Variants in VPS50 observed in about 807,000 individuals in gnomAD.
The protein encoded by VPS50 is syndetin.
A neutral mutation model predicts 139.7 loss-of-function variants in VPS50; 70 were observed. The ratio of observed to expected loss-of-function variants is 0.50; its 90% CI spans 0.41 to 0.61. The LOEUF (loss-of-function observed/expected upper bound fraction) is 0.61. Among genes scored for constraint, VPS50 ranks in the 20% least tolerant of loss-of-function variants. VPS50 has a pLI of 0.00. For synonymous variants in VPS50, 365 were observed against 376.7 expected (o/e 0.97, Z 0.36); for missense variants, 921 against 1,133.7 (o/e 0.81, Z 2.69).
At chr7:93,272,883 G>A (rs1477845703) in intron 11 of VPS50, 150 bp downstream of exon 11, 3 of 506,536 alleles carry the variant, frequency 5.9e-6, no homozygotes, top group Non-Finnish European at 1.0e-5. Flanking sequence ...TAAAATGGTT[G>A]TTCTTGTAGA....
At position 93,348,732 on chromosome 7, in the gene VPS50, T is replaced by C. The variant is rs1798473599; in HGVS notation, c.2229T>C (p.Phe743=). 6.2e-7 allele frequency: 1 copy of C among 1,613,202 alleles called. No homozygotes were observed. The highest frequency in any genetic ancestry group is 1.7e-5 in the Admixed American group (1 of 60,004). Residue 743 remains phenylalanine (F), a synonymous_variant, in exon 24 of 28, where the codon TTT becomes TTC. Coordinates refer to ENST00000305866, the MANE Select transcript of VPS50 (RefSeq NM_017667.4). ...TTAGGGTATTCTTGGCTGAACAGTT[T>C]GAGTTCCTTCAGCCACATCTGGATG... ...TESLVFLAEQ[F]EFLQPHLDAV...
Position 93,359,349 on chromosome 7 carries a change from T to A in VPS50, c.*913T>A, listed in dbSNP as rs1335332031. ...CTAGTCACTCATAAATGTACGGTCATATGTTCACTCTTCTTAAATATCCAC... is the reference window on the plus strand; with the variant it reads ...CTAGTCACTCATAAATGTACGGTCAAATGTTCACTCTTCTTAAATATCCAC... On this transcript the variant is annotated 3_prime_UTR_variant, in exon 28 of 28. Coordinates refer to ENST00000305866, the MANE Select transcript of VPS50 (RefSeq NM_017667.4). 6.6e-6 allele frequency: 1 copy of A among 152,106 alleles called. No individual in the cohort carries two copies. The highest frequency in any genetic ancestry group is 6.6e-5 in the Admixed American group (1 of 15,246). 9.4% of individuals were successfully genotyped at this position (152,106 alleles called of 1,614,324 possible). A position where few individuals can be genotyped will look rare whatever the true frequency, so the allele number is the denominator to read the frequency against.
chr7:93,275,944 C>A (rs1026070406), intron 11 of VPS50: 1 of 500,730 alleles, frequency 2.0e-6, no homozygotes, highest in East Asian at 3.1e-5. Context: ...GCAGTGTTCA[C>A]GAGTCACATT....
chr7:93,313,830 A>G (rs1017971123), intron 20 of VPS50, among the ~76,000 whole-genome samples: 2 of 152,162 alleles, frequency 1.3e-5, no homozygotes, highest in African/African-American at 2.4e-5. Flanking sequence ...GACTATTGCA[A>G]TTTCAGCTTT....
At chr7:93,353,151 ATCAT>A (rs1233380322) in intron 25 of VPS50, among the ~76,000 whole-genome samples, 39 of 152,128 alleles carry the variant, frequency 2.6e-4, no homozygotes, top group African/African-American at 8.9e-4. Flanking sequence ...CTCAACCCAT[ATCAT>A]TATTTATTTT....
chr7:93,265,415 A>G (rs74298905), intron 9 of VPS50, among the ~76,000 whole-genome samples: 12,618 of 152,256 alleles, frequency 0.083, 560 homozygotes, highest in East Asian at 0.19. Context: ...ATGTTCTACT[A>G]AAACTTTATT....
chr7:93,319,492 A>G (rs1451256474), intron 20 of VPS50, among the ~76,000 whole-genome samples: 2 of 152,302 alleles, frequency 1.3e-5, no homozygotes, highest in East Asian at 3.9e-4. Context: ...TTTCACTTGA[A>G]TGACAATTTA....
At chr7:93,338,171 G>A (rs1017173679) in intron 22 of VPS50, among the ~76,000 whole-genome samples, 9 of 152,226 alleles carry the variant, frequency 5.9e-5, no homozygotes, top group African/African-American at 2.2e-4. Flanking sequence ...GACAGAAAAC[G>A]AGCTATGTGA....
chr7:93,239,855 AT>A lies in VPS50; in HGVS notation c.34-4del, dbSNP rs1378768292. 5.2e-6 allele frequency: 8 copies of A among 1,547,522 alleles called. No individual in the cohort carries two copies. The highest frequency in any genetic ancestry group is 2.3e-5 in the East Asian group (1 of 44,362). Reference sequence around the variant, plus strand: ...TGATTAAAATTTTCCTCATCTTATTATTTTTTTAAGGGTCTGAAAAGCCCTC... The same window carrying A: ...TGATTAAAATTTTCCTCATCTTATTATTTTTTAAGGGTCTGAAAAGCCCTC... On this transcript the variant is annotated splice_polypyrimidine_tract_variant and intron_variant, in intron 1 of 27. Transcript: ENST00000305866.
Position 93,358,611 on chromosome 7 carries a change from G to A in VPS50, c.*175G>A. 1 of 550,980 alleles carries A rather than the reference G, an allele frequency of 1.8e-6. No homozygotes were observed. Among genetic ancestry groups the A allele is most frequent in the Non-Finnish European group, 3.2e-6 (1 of 309,444 alleles). The allele number at this position is 550,980 out of a possible 1,614,324, so 34.1% of individuals were successfully genotyped here. On this transcript the variant is annotated 3_prime_UTR_variant, in exon 28 of 28. Coordinates refer to ENST00000305866, the MANE Select transcript of VPS50 (RefSeq NM_017667.4). ...TGTGGTGTTCTCATGACTTTTATAT[G>A]CTGTGGTCTCTTCAACTTTTGGTCT...
At chr7:93,346,148 A>AT (rs1798385977) in intron 23 of VPS50, among the ~76,000 whole-genome samples, 2 of 152,242 alleles carry the variant, frequency 1.3e-5, no homozygotes, top group Admixed American at 6.5e-5. Flanking sequence ...TATAAAATCA[A>AT]TGTACAAAAA....
intron 26 of VPS50, 29 bp from the exon 27 acceptor site, chr7:93,355,862 G>T (rs1798691828): frequency 1.4e-6 from 2 of 1,404,868 alleles, no homozygotes; most frequent in African/African-American, 1.5e-5. Flanking sequence ...ATCCTATAAT[G>T]TATTTTTTTT....
chr7:93,341,693 A>G (rs1361121353), intron 23 of VPS50, 118 bp downstream of exon 23: 2 of 595,492 alleles, frequency 3.4e-6, no homozygotes. Context: ...AATATCACTT[A>G]TATGTTTCTG....
intron 12 of VPS50, among the ~76,000 whole-genome samples, chr7:93,285,030 T>G (rs1485659260): frequency 6.6e-6 from 1 of 152,210 alleles, no homozygotes; most frequent in South Asian, 2.1e-4. Flanking sequence ...TCCCTGGGCC[T>G]GGTGCTGTTT....
Position 93,276,289 on chromosome 7 carries a change from A to G in VPS50, c.926A>G (p.Tyr309Cys). Reference sequence around the variant, plus strand: ...GACACAAAATTCCAAAAGCTGCAATATAAGGATCTCTGTACAGTATGTAGT... The same window carrying G: ...GACACAAAATTCCAAAAGCTGCAATGTAAGGATCTCTGTACAGTATGTAGT... ...NTDTKFQKLQ[Y>C]KDLCTHVTPD... is the part of the protein sequence containing the mutation. Residue 309 changes from tyrosine to cysteine, a missense_variant, in exon 12 of 28, where the codon TAT (tyrosine) becomes TGT (cysteine). Transcript: ENST00000305866. The G allele has an allele frequency of 3.1e-6, 5 of 1,613,292 alleles. No individual in the cohort carries two copies. The highest frequency in any genetic ancestry group is 4.2e-6 in the Non-Finnish European group (5 of 1,179,398).
chr7:93,339,637 T>C (rs1798159469), intron 22 of VPS50, among the ~76,000 whole-genome samples: 1 of 152,180 alleles, frequency 6.6e-6, no homozygotes. Flanking sequence ...TGCCTACTCA[T>C]ATGTTCTCAC....
At chr7:93,299,755 A>G (rs1796922648) in intron 16 of VPS50, among the ~76,000 whole-genome samples, 1 of 152,124 alleles carries the variant, frequency 6.6e-6, no homozygotes, top group Admixed American at 6.5e-5. Flanking sequence ...AGCGTCTATT[A>G]TTGATTGTTT....
At chr7:93,343,235 G>T (rs544685635) in intron 23 of VPS50, among the ~76,000 whole-genome samples, 2 of 152,078 alleles carry the variant, frequency 1.3e-5, no homozygotes, top group African/African-American at 4.8e-5. Context: ...GGGTATCAGC[G>T]ATGGAAGATG....
chr7:93,258,426 A>G, intron 8 of VPS50, 34 bp downstream of exon 8: 1 of 1,532,820 alleles, frequency 6.5e-7, no homozygotes, highest in East Asian at 2.3e-5. Flanking sequence ...TTAGGGTCCT[A>G]CTGATATATA....
Sources: gnomAD v4.1 joint callset for allele counts (sites outside exome capture counted in the v4.1 genomes callset) on GRCh38, gnomAD v4.1.1 for gene constraint, MANE v1.5 for transcripts, NCBI Gene and HGNC (gene_info 2026-07-23, HGNC 2026-07-21) for gene names.